PTPRN2: variants seen among roughly 807,000 people sequenced by gnomAD.
PTPRN2 encodes receptor-type tyrosine-protein phosphatase N2.
Under a neutral mutation model 118.8 loss-of-function variants are expected in PTPRN2, and 74 were observed. The ratio of observed to expected loss-of-function variants is 0.62; its 90% CI spans 0.52 to 0.76. PTPRN2 has a LOEUF of 0.76. Ranked by LOEUF, PTPRN2 falls within the 30% of genes least tolerant of loss-of-function variation. The pLI is 0.00. For missense variants in PTPRN2, 1,481 were observed against 1,394.4 expected (o/e 1.06, Z -0.99); for synonymous variants, 641 against 608.0 (o/e 1.05, Z -0.80).
intron 10 of PTPRN2, among the ~76,000 whole-genome samples, chr7:158,085,170 A>G (rs1585384269): frequency 9.7e-5 from 8 of 82,584 alleles, no homozygotes; most frequent in South Asian, 5.1e-4. Flanking sequence ...CCATCCAGAT[A>G]CCCATCCACA....
chr7:158,213,063 G>A (rs1006673741), intron 3 of PTPRN2, among the ~76,000 whole-genome samples: 1 of 152,012 alleles, frequency 6.6e-6, no homozygotes, highest in African/African-American at 2.4e-5. Context: ...TAGATCTTAT[G>A]GTAACACTTT....
intron 12 of PTPRN2, among the ~76,000 whole-genome samples, chr7:157,754,534 A>G (rs1003292296): frequency 2.6e-5 from 4 of 152,184 alleles, no homozygotes; most frequent in Non-Finnish European, 5.9e-5. Context: ...GTGGCCTTCC[A>G]TTCTCTGCAC....
chr7:157,795,176 C>T (rs905201053), intron 12 of PTPRN2, among the ~76,000 whole-genome samples: 63 of 147,606 alleles, frequency 4.3e-4, no homozygotes, highest in Non-Finnish European at 8.5e-4. Context: ...GCGGGGGGGG[C>T]TCAAGCTAAA....
chr7:158,499,785 ATGTGTG>A (rs760084326), intron 1 of PTPRN2, among the ~76,000 whole-genome samples: 25 of 143,702 alleles, frequency 1.7e-4, no homozygotes, highest in East Asian at 8.9e-4. Flanking sequence ...ATATGTGTGT[ATGTGTG>A]TGTGTGTGTG....
intron 12 of PTPRN2, among the ~76,000 whole-genome samples, chr7:157,791,942 G>T (rs1420447645): frequency 6.6e-6 from 1 of 152,342 alleles, no homozygotes; most frequent in East Asian, 1.9e-4. Context: ...AATATGTGCG[G>T]CTTTTCCTGC....
intron 17 of PTPRN2, among the ~76,000 whole-genome samples, chr7:157,581,683 A>T (rs377319902): frequency 6.6e-6 from 1 of 152,340 alleles, no homozygotes. Flanking sequence ...AAGTTTACTG[A>T]CTGTAGATTT....
chr7:158,295,219 C>T (rs551860839), intron 3 of PTPRN2, among the ~76,000 whole-genome samples: 1 of 82,002 alleles, frequency 1.2e-5, no homozygotes, highest in Non-Finnish European at 2.5e-5. Flanking sequence ...CCCATGGGGC[C>T]CGCTGACCCT....
chr7:158,249,541 A>G (rs545579222), intron 3 of PTPRN2, among the ~76,000 whole-genome samples: 1 of 151,782 alleles, frequency 6.6e-6, no homozygotes, highest in East Asian at 1.9e-4. Context: ...ATGCATACAT[A>G]CACATATCTA....
At chr7:158,069,751 G>A (rs2128914124) in intron 11 of PTPRN2, among the ~76,000 whole-genome samples, 1 of 152,342 alleles carries the variant, frequency 6.6e-6, no homozygotes. Context: ...TCCCACTCCA[G>A]GCATTCGTGG....
intron 12 of PTPRN2, among the ~76,000 whole-genome samples, chr7:157,822,157 T>A (rs559476504): frequency 6.6e-6 from 1 of 152,072 alleles, no homozygotes; most frequent in Admixed American, 6.5e-5. Context: ...CATCCATTCA[T>A]CCATCTATAC....
At chr7:157,884,219 C>T (rs11762024) in intron 12 of PTPRN2, among the ~76,000 whole-genome samples, 17,013 of 152,134 alleles carry the variant, frequency 0.11, 1,004 homozygotes, top group East Asian at 0.19. Context: ...GAGACCAGAA[C>T]ATAGCACCCC....
At chr7:158,042,193 C>A (rs752979831) in intron 11 of PTPRN2, among the ~76,000 whole-genome samples, 1 of 152,128 alleles carries the variant, frequency 6.6e-6, no homozygotes, top group Non-Finnish European at 1.5e-5. Flanking sequence ...ATACTTCATA[C>A]CCACAGAAAC....
chr7:157,724,125 C>T (rs1040854458), intron 12 of PTPRN2, among the ~76,000 whole-genome samples: 14 of 150,476 alleles, frequency 9.3e-5, no homozygotes, highest in East Asian at 3.9e-4. Flanking sequence ...CCATCTGAAT[C>T]GCGCTGGTGT....
chr7:157,939,204 A>G (rs1354471709), intron 11 of PTPRN2, among the ~76,000 whole-genome samples: 2 of 152,232 alleles, frequency 1.3e-5, no homozygotes, highest in Non-Finnish European at 2.9e-5. Context: ...GATAAAGTTA[A>G]GTAAAGCACG....
intron 2 of PTPRN2, among the ~76,000 whole-genome samples, chr7:158,363,598 G>T (rs564342449): frequency 5.7e-4 from 87 of 152,276 alleles, no homozygotes; most frequent in Non-Finnish European, 1.1e-3. Context: ...ACATAAAATC[G>T]TGCCTGCCTA....
intron 15 of PTPRN2, 99 bp downstream of exon 15, chr7:157,621,263 A>T: frequency 6.9e-7 from 1 of 1,442,642 alleles, no homozygotes; most frequent in South Asian, 1.3e-5. Flanking sequence ...TCCGCCCGGA[A>T]CCCTGGCCTC....
intron 21 of PTPRN2, among the ~76,000 whole-genome samples, chr7:157,553,008 T>C (rs62475359): frequency 0.041 from 6,223 of 152,320 alleles, 226 homozygotes; most frequent in East Asian, 0.2. Flanking sequence ...CAATCAGTTA[T>C]GTTCTCTGAA....
intron 3 of PTPRN2, among the ~76,000 whole-genome samples, chr7:158,314,253 C>G (rs1325490306): frequency 6.6e-6 from 1 of 152,228 alleles, no homozygotes; most frequent in African/African-American, 2.4e-5. Context: ...ACTCGCACGT[C>G]CAGCCATCAG....
chr7:158,078,625 G>A (rs1421534220), intron 11 of PTPRN2, among the ~76,000 whole-genome samples: 1 of 152,156 alleles, frequency 6.6e-6, no homozygotes, highest in Non-Finnish European at 1.5e-5. Flanking sequence ...CTCTCCCAAG[G>A]CCAATGGGCC....
Sources: allele counts gnomAD v4.1 joint callset (sites outside exome capture counted in the v4.1 genomes callset), GRCh38; gene constraint gnomAD v4.1.1; transcripts MANE v1.5; gene names NCBI Gene and HGNC (gene_info 2026-07-23, HGNC 2026-07-21).